Variants in NIPAL3 observed in about 807,000 individuals in gnomAD.
The protein encoded by NIPAL3 is NIPA-like protein 3.
A neutral mutation model predicts 47.2 loss-of-function variants in NIPAL3; 41 were observed. The ratio of observed to expected loss-of-function variants is 0.87; its 90% CI spans 0.68 to 1.13. NIPAL3 has a LOEUF of 1.13. Among genes scored for constraint, NIPAL3 ranks in the 50% most tolerant of loss-of-function variants. The pLI, the probability that NIPAL3 is intolerant of heterozygous loss-of-function variation, is 0.00. For missense variants in NIPAL3, 449 were observed against 530.1 expected, an observed-to-expected ratio of 0.85 and a Z score of 1.50; for synonymous variants, 194 against 209.6, an observed-to-expected ratio of 0.93 and a Z score of 0.64.
rs144804947 is a variant in NIPAL3, at chr1:24,442,199, G to A, written c.307G>A (p.Val103Met). 340 of 1,614,030 alleles carry A rather than the reference G, an allele frequency of 2.1e-4. 6 individuals are homozygous for A. The East Asian group carries it at 7.4e-3, about 35-fold the overall frequency. ...SYAFAPLSLI[V>M]PLSAVSVIAS... ...CGCCTTCGCGCCGCTGTCACTCATC[G>A]TGCCCCTCAGCGCAGTTTCTGTGAT... The change falls in exon 4 of 12, where the codon GTG becomes ATG. Residue 103 changes from valine (V) to methionine (M), a missense_variant. By Grantham distance (21) the Val-to-Met change is conservative (BLOSUM62 1). Coordinates refer to ENST00000374399, the MANE Select transcript of NIPAL3 (RefSeq NM_020448.5).
Position 24,423,572 on chromosome 1 carries a change from G to A in NIPAL3, c.93+3932G>A, listed in dbSNP as rs138552291. ...GTGAACCCGGGAGGCAGAGCTTGCA[G>A]TGAGCCGAGATCGCACCACTGCACT... On this transcript the variant is annotated intron_variant, in intron 2 of 11. Transcript: ENST00000374399. 2.0e-3 allele frequency among the ~76,000 whole-genome samples: 309 copies of A among 152,278 alleles called. 4 individuals are homozygous for A. Among genetic ancestry groups the A allele is most frequent in the Admixed American group, 0.017 (263 of 15,290 alleles).
Position 24,440,224 on chromosome 1 carries a change from T to C in NIPAL3, c.146T>C (p.Ile49Thr), listed in dbSNP as rs770208344. 1.9e-6 allele frequency: 3 copies of C among 1,595,842 alleles called. No homozygotes were observed. In the East Asian group the frequency reaches 6.9e-5, roughly 37 times the overall value. ...ATCTTCGGGCACCTCGTGGTCAGCATTGCACTTAACCTCCAGGTAAGTTTC... is the reference window on the plus strand; with the variant it reads ...ATCTTCGGGCACCTCGTGGTCAGCACTGCACTTAACCTCCAGGTAAGTTTC... ...LAIFGHLVVS[I>T]ALNLQKYCHI... Residue 49 changes from isoleucine to threonine, a missense_variant, in exon 3 of 12, where the codon ATT becomes ACT. Transcript: ENST00000374399.
chr1:24,413,725 T>C (rs1334161371), upstream of NIPAL3: 3 of 152,290 alleles, frequency 2.0e-5, no homozygotes, highest in African/African-American at 7.2e-5. Context: ...CCGGTCGCTA[T>C]GGCACCCACA....
At chr1:24,424,708 A>G (rs1021162982) in intron 2 of NIPAL3, among the ~76,000 whole-genome samples, 2 of 152,194 alleles carry the variant, frequency 1.3e-5, no homozygotes, top group African/African-American at 4.8e-5. Flanking sequence ...CCTCCCCTTT[A>G]AAAGAGGGAA....
chr1:24,463,187 C>CA lies in NIPAL3; in HGVS notation c.927-830dup, dbSNP rs552573911. 2.0e-3 allele frequency among the ~76,000 whole-genome samples: 295 copies of CA among 147,706 alleles called. 1 individual carries two copies. The South Asian group carries it at 0.027, about 13-fold the overall frequency. On this transcript the variant is annotated intron_variant, in intron 10 of 11. Coordinates refer to ENST00000374399, the MANE Select transcript of NIPAL3 (RefSeq NM_020448.5). ...TGGGCAACAGAGCGAGACTCCATCT[C>CA]AAAAAAAAATCAAAAAAATAAAAAA...
At chr1:24,415,780 A>G (rs1013168493), upstream of NIPAL3, 7 of 947,752 alleles carry the variant, frequency 7.4e-6, no homozygotes, top group Admixed American at 4.3e-4. Context: ...AAAGCAAAAC[A>G]CTGCAGCATC....
chr1:24,448,560 T>C (rs922061344), intron 5 of NIPAL3, among the ~76,000 whole-genome samples: 4 of 152,214 alleles, frequency 2.6e-5, no homozygotes, highest in African/African-American at 9.6e-5. Context: ...TTTGTTTTTT[T>C]AGTTTGCCCA....
intron 8 of NIPAL3, among the ~76,000 whole-genome samples, chr1:24,458,300 A>C (rs1354437598): frequency 6.6e-6 from 1 of 152,170 alleles, no homozygotes; most frequent in African/African-American, 2.4e-5. Flanking sequence ...AAAGCAATTG[A>C]GTGGTGAGCA....
rs1424112407 is a variant in NIPAL3 at position 24,442,213 on chromosome 1, A to G, written c.321A>G (p.Ala107=). ...TGTCACTCATCGTGCCCCTCAGCGC[A>G]GTTTCTGTGATAGGTAAGACCAGGG... ...APLSLIVPLS[A]VSVIASAIIG... is the part of the protein sequence containing the mutation. Residue 107 remains alanine (A), a synonymous_variant, in exon 4 of 12, where the codon GCA becomes GCG. Coordinates refer to ENST00000374399, the MANE Select transcript of NIPAL3 (RefSeq NM_020448.5). 1.2e-6 allele frequency: 2 copies of G among 1,613,864 alleles called. No homozygotes were observed. Among genetic ancestry groups the G allele is most frequent in the Non-Finnish European group, 8.5e-7 (1 of 1,179,930 alleles).
At chr1:24,457,649 A>G (rs10903089) in intron 8 of NIPAL3, 141,056 of 469,362 alleles carry the variant, frequency 0.3, 22,474 homozygotes, top group East Asian at 0.47. Context: ...AAGAGGCTAG[A>G]AAGTGGCGGA....
At chr1:24,424,878 G>A (rs971297539) in intron 2 of NIPAL3, among the ~76,000 whole-genome samples, 5 of 152,148 alleles carry the variant, frequency 3.3e-5, no homozygotes, top group Admixed American at 2.6e-4. Context: ...CAGGCTGCTC[G>A]CAACTCATCT....
intron 3 of NIPAL3, among the ~76,000 whole-genome samples, chr1:24,440,971 C>G (rs1291547392): frequency 2.0e-5 from 3 of 152,238 alleles, no homozygotes; most frequent in Non-Finnish European, 4.4e-5. Context: ...CCTTTCATCT[C>G]TGTTCCCTGC....
Position 24,416,741 on chromosome 1 carries a change from G to C in NIPAL3, c.-258+837G>C, listed in dbSNP as rs1262559433. 1 of 152,180 alleles carries C rather than the reference G, an allele frequency of 6.6e-6. No homozygotes were observed. The allele number at this position is 152,180 out of a possible 1,614,324, so 9.4% of individuals were successfully genotyped here. A position where few individuals can be genotyped will look rare whatever the true frequency, so the allele number is the denominator to read the frequency against. On this transcript the variant is annotated intron_variant, in intron 1 of 11. Transcript: ENST00000374399. The surrounding 1 kb of genome is among the most constrained non-coding windows in gnomAD (Gnocchi z 4.8). ...GGTGAAAAGTATGTGTCTTATAAGG[G>C]AGTACAGCTTGCAAAGGGTTCCTCC...
chr1:24,452,430 T>A (rs1645982303), intron 6 of NIPAL3, among the ~76,000 whole-genome samples: 1 of 152,192 alleles, frequency 6.6e-6, no homozygotes, highest in Non-Finnish European at 1.5e-5. Context: ...GAGTTTAACG[T>A]AGATAAAATG....
intron 2 of NIPAL3, among the ~76,000 whole-genome samples, chr1:24,431,969 T>C (rs1358598595): frequency 6.6e-6 from 1 of 151,758 alleles, no homozygotes; most frequent in East Asian, 1.9e-4. Flanking sequence ...ACCCTGTGCC[T>C]TTCCTGTGTA....
At chr1:24,431,952 G>A (rs1188578693) in intron 2 of NIPAL3, among the ~76,000 whole-genome samples, 1 of 151,366 alleles carries the variant, frequency 6.6e-6, no homozygotes, top group Non-Finnish European at 1.5e-5. Flanking sequence ...TCCCTGTCAC[G>A]TAGAGTACCC....
At chr1:24,431,542 C>G (rs866455634) in intron 2 of NIPAL3, among the ~76,000 whole-genome samples, 2 of 152,078 alleles carry the variant, frequency 1.3e-5, no homozygotes, top group Admixed American at 6.6e-5. Flanking sequence ...ATTTTATGAC[C>G]TTTAAGTGTT....
At chr1:24,458,565 G>A (rs991013621) in intron 8 of NIPAL3, among the ~76,000 whole-genome samples, 2 of 152,020 alleles carry the variant, frequency 1.3e-5, no homozygotes, top group African/African-American at 4.8e-5. Flanking sequence ...TCTTTTTAGT[G>A]GGGTGGGGAT....
intron 1 of NIPAL3, 24 bp from the exon 2 acceptor site, chr1:24,419,267 T>C: frequency 9.1e-7 from 1 of 1,100,334 alleles, no homozygotes; most frequent in Non-Finnish European, 1.1e-6. Context: ...CATGCATTTT[T>C]AATGTTCCTC....
Sources: gnomAD v4.1 joint callset for allele counts (sites outside exome capture counted in the v4.1 genomes callset) on GRCh38, gnomAD v4.1.1 for gene constraint, Gnocchi (gnomAD v3.1) non-coding constraint, MANE v1.5 for transcripts, NCBI Gene and HGNC (gene_info 2026-07-23, HGNC 2026-07-21) for gene names.